Variants in GRIN2A observed in about 807,000 individuals in gnomAD.
GRIN2A encodes glutamate ionotropic receptor NMDA type subunit 2A, also known as glutamate receptor ionotropic, NMDA 2A.
Under a neutral mutation model 113.4 loss-of-function variants are expected in GRIN2A, and 22 were observed. The observed-to-expected ratio is 0.19, with a 90% CI of 0.14 to 0.28. GRIN2A has a LOEUF of 0.28. GRIN2A is among the 10% of genes least tolerant of loss of function. GRIN2A has a pLI of 1.00. For synonymous variants in GRIN2A, 827 were observed against 738.4 expected (o/e 1.12, Z -1.94); for missense variants, 1,502 against 1,887.0 (o/e 0.80, Z 3.78).
intron 2 of GRIN2A, among the ~76,000 whole-genome samples, chr16:9,974,621 A>G (rs1380949005): frequency 1.3e-5 from 2 of 152,106 alleles, no homozygotes; most frequent in Non-Finnish European, 2.9e-5. Context: ...TCCGTGTCTG[A>G]GGAGTTTTGT....
intron 2 of GRIN2A, among the ~76,000 whole-genome samples, chr16:9,958,627 G>A (rs2045359896): frequency 1.3e-5 from 2 of 152,088 alleles, no homozygotes; most frequent in Non-Finnish European, 2.9e-5. Flanking sequence ...CTTTGCCAAA[G>A]TGAACTATCA....
At chr16:9,890,500 C>A (rs1239128985) in intron 4 of GRIN2A, among the ~76,000 whole-genome samples, 1 of 152,112 alleles carries the variant, frequency 6.6e-6, no homozygotes, top group African/African-American at 2.4e-5. Flanking sequence ...AGAAAAATAA[C>A]CTCCCTCTCT....
At chr16:9,855,084 C>T (rs2042945807) in intron 4 of GRIN2A, among the ~76,000 whole-genome samples, 1 of 151,844 alleles carries the variant, frequency 6.6e-6, no homozygotes, top group African/African-American at 2.4e-5. Context: ...CAGGCATCAA[C>T]TTCATTGCTA....
At chr16:10,047,792 A>G (rs1471363021) in intron 2 of GRIN2A, among the ~76,000 whole-genome samples, 1 of 152,222 alleles carries the variant, frequency 6.6e-6, no homozygotes, top group East Asian at 1.9e-4. Flanking sequence ...GCACAGGAGT[A>G]TAAATACCTC....
chr16:10,018,778 C>T (rs1252967197), intron 2 of GRIN2A, among the ~76,000 whole-genome samples: 1 of 152,118 alleles, frequency 6.6e-6, no homozygotes, highest in East Asian at 1.9e-4. Flanking sequence ...CATCTCCCAA[C>T]CCGAGGTTGC....
chr16:9,926,887 T>C (rs939374289), intron 3 of GRIN2A, among the ~76,000 whole-genome samples: 2 of 150,522 alleles, frequency 1.3e-5, no homozygotes, highest in Non-Finnish European at 2.9e-5. Context: ...TGTTTAAACA[T>C]TGGGACTTTA....
At chr16:10,155,594 A>C (rs902744133) in intron 2 of GRIN2A, among the ~76,000 whole-genome samples, 1 of 152,200 alleles carries the variant, frequency 6.6e-6, no homozygotes, top group African/African-American at 2.4e-5. Flanking sequence ...TATCTTTTCC[A>C]CTGAAAGAGC....
At chr16:9,957,934 C>T (rs774695416) in intron 2 of GRIN2A, among the ~76,000 whole-genome samples, 5 of 152,150 alleles carry the variant, frequency 3.3e-5, no homozygotes, top group African/African-American at 4.8e-5. Flanking sequence ...TGAAGGGCTT[C>T]CCCAAAGAAC....
chr16:10,066,473 T>C (rs774219870), intron 2 of GRIN2A, among the ~76,000 whole-genome samples: 3 of 152,146 alleles, frequency 2.0e-5, no homozygotes, highest in African/African-American at 7.2e-5. Flanking sequence ...TGCTGCAAAA[T>C]AGCAGTTCCA....
intron 10 of GRIN2A, among the ~76,000 whole-genome samples, chr16:9,816,076 A>C (rs192480080): frequency 6.6e-6 from 1 of 152,326 alleles, no homozygotes; most frequent in Non-Finnish European, 1.5e-5. Flanking sequence ...TAAAGACAAA[A>C]AGTAGAATGG....
chr16:10,104,618 A>T (rs2048460277), intron 2 of GRIN2A, among the ~76,000 whole-genome samples: 2 of 152,132 alleles, frequency 1.3e-5, no homozygotes, highest in East Asian at 1.9e-4. Context: ...GTGTATTTTT[A>T]TTTTTTCCAA....
intron 2 of GRIN2A, among the ~76,000 whole-genome samples, chr16:10,072,946 CTTT>C (rs34432023): frequency 3.4e-3 from 354 of 104,208 alleles, no homozygotes; most frequent in Admixed American, 9.2e-3. Flanking sequence ...ACAAGACCCC[CTTT>C]TTTTTTTTTT....
intron 2 of GRIN2A, among the ~76,000 whole-genome samples, chr16:10,033,007 G>A (rs1485204901): frequency 2.0e-5 from 3 of 152,152 alleles, no homozygotes; most frequent in Admixed American, 6.5e-5. Context: ...AGGCTCCTAG[G>A]ATACCACAGG....
intron 4 of GRIN2A, among the ~76,000 whole-genome samples, chr16:9,877,658 C>A (rs959658583): frequency 7.9e-6 from 1 of 126,164 alleles, no homozygotes; most frequent in South Asian, 3.2e-4. Flanking sequence ...CCCTCTCCCC[C>A]CTCTCTCTCC....
At chr16:10,036,530 C>A (rs1437474801) in intron 2 of GRIN2A, among the ~76,000 whole-genome samples, 1 of 137,932 alleles carries the variant, frequency 7.2e-6, no homozygotes, top group Non-Finnish European at 1.5e-5. Context: ...GCAATCTCGG[C>A]TCATTGCAAA....
intron 2 of GRIN2A, among the ~76,000 whole-genome samples, chr16:9,993,416 T>C (rs1328670424): frequency 6.6e-6 from 1 of 151,158 alleles, no homozygotes; most frequent in East Asian, 2.0e-4. Flanking sequence ...AATAGCAGAG[T>C]ATGGTGGCCT....
At chr16:9,802,343 A>T (rs1596435034) in intron 10 of GRIN2A, among the ~76,000 whole-genome samples, 7 of 152,226 alleles carry the variant, frequency 4.6e-5, no homozygotes, top group Admixed American at 4.6e-4. Flanking sequence ...TACACCATGG[A>T]ATACTATGCA....
chr16:9,916,503 A>G (rs1332082276), intron 3 of GRIN2A, among the ~76,000 whole-genome samples: 2 of 152,226 alleles, frequency 1.3e-5, no homozygotes, highest in African/African-American at 2.4e-5. Context: ...AATGAAAACA[A>G]TTTGGAACCA....
chr16:10,102,729 A>G (rs1407426962), intron 2 of GRIN2A, among the ~76,000 whole-genome samples: 1 of 152,050 alleles, frequency 6.6e-6, no homozygotes, highest in Non-Finnish European at 1.5e-5. Context: ...GTGTTTCTTT[A>G]TAGCAACACA....
Sources: allele counts gnomAD v4.1 joint callset (sites outside exome capture counted in the v4.1 genomes callset), GRCh38; gene constraint gnomAD v4.1.1; transcripts MANE v1.5; gene names NCBI Gene and HGNC (gene_info 2026-07-23, HGNC 2026-07-21).